SNAPC4: variants seen among roughly 807,000 people sequenced by gnomAD.
SNAPC4 encodes small nuclear RNA activating complex polypeptide 4, also known as snRNA-activating protein complex subunit 4.
Under a neutral mutation model 151.3 loss-of-function variants are expected in SNAPC4, and 127 were observed. The ratio of observed to expected loss-of-function variants is 0.84; its 90% CI spans 0.73 to 0.97. The LOEUF (loss-of-function observed/expected upper bound fraction) is 0.97. Among genes scored for constraint, SNAPC4 ranks in the 50% least tolerant of loss-of-function variants. SNAPC4 has a pLI of 0.00. For missense variants in SNAPC4, 2,186 were observed against 1,935.0 expected, an observed-to-expected ratio of 1.13 and a Z score of -2.43; for synonymous variants, 1,002 against 824.4, an observed-to-expected ratio of 1.22 and a Z score of -3.69.
rs558739917 is a variant in SNAPC4 at position 136,377,668 on chromosome 9, G to A, written c.4159C>T (p.Arg1387Cys). Residue 1387 changes from arginine (R) to cysteine (C), a missense_variant, in exon 22 of 24, where the codon CGC becomes TGC. Physicochemically the swap from Arg to Cys is radical, Grantham distance 180. Transcript: ENST00000684778. ...LLATLAPQGV[R>C]TTLSVPSRVG... is the part of the protein sequence containing the mutation. The stretch of plus-strand genomic sequence containing the variant: ...CTCGAAGGTACTGAGAGGGTGGTGC[G>A]GACGCCTTGGGGGGCCAGGGTGGCC... 87 of 1,606,392 alleles carry A rather than the reference G, an allele frequency of 5.4e-5. No homozygotes were observed. The highest frequency in any genetic ancestry group is 1.3e-4 in the East Asian group (6 of 44,710).
chr9:136,394,086 T>C (rs1043341777), intron 7 of SNAPC4, among the ~76,000 whole-genome samples, 163 bp downstream of exon 7: 1 of 152,200 alleles, frequency 6.6e-6, no homozygotes, highest in African/African-American at 2.4e-5. Context: ...CCCAGCTAAT[T>C]TTTTTACTTT....
chr9:136,376,397 G>A lies in SNAPC4; in HGVS notation c.4369C>T (p.Arg1457Trp), dbSNP rs778650500. Residue 1457 changes from arginine (R) to tryptophan (W), a missense_variant, in exon 23 of 24, where the codon CGG becomes TGG. Arg to Trp is a moderately radical substitution (Grantham distance 101). Coordinates refer to ENST00000684778, the MANE Select transcript of SNAPC4 (RefSeq NM_003086.4). The stretch of plus-strand genomic sequence containing the variant: ...CGCTTCCGGGTGTGCCTGGCATGCC[G>A]GGTTCTGAGCACGTCCAGGTCGTCA... ...DPDDLDVLRT[R>W]HARHTRKRRR... is the part of the protein sequence containing the mutation. 18 of 1,613,312 alleles carry A rather than the reference G, an allele frequency of 1.1e-5. No homozygotes were observed. The highest frequency in any genetic ancestry group is 5.3e-5 in the African/African-American group (4 of 74,938).
intron 1 of SNAPC4, among the ~76,000 whole-genome samples, chr9:136,399,386 A>C (rs1218092481): frequency 6.6e-6 from 1 of 152,140 alleles, no homozygotes; most frequent in South Asian, 2.1e-4. Context: ...CTGTAAACTC[A>C]GTTAACAGCC....
intron 10 of SNAPC4, among the ~76,000 whole-genome samples, chr9:136,389,835 G>A (rs918028514): frequency 6.6e-6 from 1 of 152,210 alleles, no homozygotes; most frequent in African/African-American, 2.4e-5. Context: ...TGGCTGGAGT[G>A]AAGCTGGAGG....
At chr9:136,385,027 G>A (rs947638836) in intron 13 of SNAPC4, among the ~76,000 whole-genome samples, 10 of 152,196 alleles carry the variant, frequency 6.6e-5, no homozygotes, top group South Asian at 2.1e-4. Flanking sequence ...GGGAGAGAAC[G>A]TTTGCAAGTC....
rs1401675022 is a variant in SNAPC4 at position 136,383,679 on chromosome 9, G to C, written c.1501-11C>G. On this transcript the variant is annotated splice_polypyrimidine_tract_variant and intron_variant, in intron 15 of 23. Coordinates refer to ENST00000684778, the MANE Select transcript of SNAPC4 (RefSeq NM_003086.4). The surrounding 1 kb of genome is among the most constrained non-coding windows in gnomAD (Gnocchi z 4.2). ...GAGACCCTGCTTCTTCTGAGGGGAGGAAAGAGCTACTTAGAGGCCTTGGCA... is the reference window on the plus strand; with the variant it reads ...GAGACCCTGCTTCTTCTGAGGGGAGCAAAGAGCTACTTAGAGGCCTTGGCA... 1 of 1,591,884 alleles carries C rather than the reference G, an allele frequency of 6.3e-7. No homozygotes were observed. Among genetic ancestry groups the C allele is most frequent in the Non-Finnish European group, 8.6e-7 (1 of 1,168,450 alleles).
chr9:136,396,936 G>C, intron 3 of SNAPC4, 41 bp downstream of exon 3: 1 of 1,589,304 alleles, frequency 6.3e-7, no homozygotes, highest in Non-Finnish European at 8.6e-7. Context: ...GGTGGTGGCA[G>C]GCCTGACCCA....
At position 136,383,275 on chromosome 9, in the gene SNAPC4, CA is replaced by C. The variant is rs1833766999; in HGVS notation, c.1893del (p.Ala632ProfsTer36). The C allele has an allele frequency of 1.2e-6, 2 of 1,611,608 alleles. No individual in the cohort carries two copies. The highest frequency in any genetic ancestry group is 1.7e-6 in the Non-Finnish European group (2 of 1,179,408). ...CTCGGGACAGGGCCGTGGGCCCTGG[CA>C]GGGACCTGCACCGGACTCGTCTCCT... ...PGEETSPVQV[P>X]ARAHGPVPRS... On this transcript the variant is annotated frameshift_variant, in exon 16 of 24. Coordinates refer to ENST00000684778, the MANE Select transcript of SNAPC4 (RefSeq NM_003086.4). LOFTEE classifies it high-confidence loss of function. This position sits in a 1 kb window ranked among gnomAD's most constrained non-coding sequence, Gnocchi z 4.2.
In SNAPC4 at chr9:136,395,353, C is replaced by G. The variant is rs768400953; in HGVS notation, c.416G>C (p.Ser139Thr). Residue 139 changes from serine to threonine, a missense_variant, in exon 5 of 24, where the codon AGC (serine) becomes ACC (threonine). Coordinates refer to ENST00000684778, the MANE Select transcript of SNAPC4 (RefSeq NM_003086.4). ...KVKDGKSLPP[S>T]TYMGHFMKPY... ...CTTCATGAAGTGCCCCATGTATGTG[C>G]TTGGGGGCAGGCTTTTGCCATCTTT... 2.5e-6 allele frequency: 4 copies of G among 1,613,634 alleles called. No homozygotes were observed. Among genetic ancestry groups the G allele is most frequent in the South Asian group, 2.2e-5 (2 of 91,084 alleles).
At position 136,393,372 on chromosome 9, in the gene SNAPC4, T is replaced by C. The variant is rs569209983; in HGVS notation, c.633-595A>G. Among the ~76,000 whole-genome samples the C allele has an allele frequency of 2.0e-5, 3 of 152,364 alleles. No homozygotes were observed. In the South Asian group the frequency reaches 6.2e-4, roughly 32 times the overall value. On this transcript the variant is annotated intron_variant, in intron 7 of 23. Transcript: ENST00000684778. ...CCCCCTCTGCCTTGAGAGCTCATGG[T>C]GGCCCCACAGAAGACAGATGGGGAC...
intron 19 of SNAPC4, 123 bp downstream of exon 19, chr9:136,381,198 AT>A: frequency 1.3e-6 from 1 of 797,782 alleles, no homozygotes; most frequent in Non-Finnish European, 2.2e-6. Flanking sequence ...TGAAAAGTGC[AT>A]TTTCAAGGCT....
chr9:136,388,313 G>T, intron 11 of SNAPC4, 131 bp downstream of exon 11: 1 of 823,072 alleles, frequency 1.2e-6, no homozygotes, highest in Non-Finnish European at 1.8e-6. Flanking sequence ...GAAGCGAACT[G>T]TGGAACAGCC....
chr9:136,376,029 G>C (rs1833431835), intron 23 of SNAPC4, among the ~76,000 whole-genome samples: 1 of 152,222 alleles, frequency 6.6e-6, no homozygotes, highest in Admixed American at 6.5e-5. Context: ...TACAAGCTGG[G>C]AGACGACGCA....
Position 136,395,436 on chromosome 9 carries a change from C to T in SNAPC4, c.346-13G>A, listed in dbSNP as rs181596189. The T allele has an allele frequency of 0.019, 30,261 of 1,611,040 alleles. 373 individuals are homozygous for T. The highest frequency in any genetic ancestry group is 0.02 in the Non-Finnish European group (23,899 of 1,178,616). On this transcript the variant is annotated splice_polypyrimidine_tract_variant and intron_variant, in intron 4 of 23. Transcript: ENST00000684778. Reference sequence around the variant, plus strand: ...TCATGAGTTCCTCCTGTGACAGACACAAGGCAGGGACCCCTCTATGGACCA... The same window carrying T: ...TCATGAGTTCCTCCTGTGACAGACATAAGGCAGGGACCCCTCTATGGACCA...
intron 2 of SNAPC4, among the ~76,000 whole-genome samples, chr9:136,397,757 G>A (rs1190342722): frequency 1.3e-5 from 2 of 150,450 alleles, no homozygotes; most frequent in Admixed American, 6.6e-5. Flanking sequence ...ACGTGGGGAG[G>A]GGCACATGTG....
Position 136,395,577 on chromosome 9 carries a change from C to A in SNAPC4, c.345+26G>T, listed in dbSNP as rs567262252. 160 of 1,595,374 alleles carry A rather than the reference C, an allele frequency of 1.0e-4. No homozygotes were observed. The East Asian group carries it at 3.5e-3, about 35-fold the overall frequency. ...GGCTCTGGGGGTGGGGAGGTGTGGG[C>A]ACCGGGGGGCCGAGGCCCATCCCAC... On this transcript the variant is annotated intron_variant, in intron 4 of 23. Coordinates refer to ENST00000684778, the MANE Select transcript of SNAPC4 (RefSeq NM_003086.4).
chr9:136,377,432 G>C (rs1418406079), intron 22 of SNAPC4, 111 bp downstream of exon 22: 1 of 1,338,718 alleles, frequency 7.5e-7, no homozygotes, highest in East Asian at 2.6e-5. Flanking sequence ...CCAGCAGCCA[G>C]CCTTCCTGCC....
At position 136,392,721 on chromosome 9, in the gene SNAPC4, G is replaced by A. The variant is rs777555496; in HGVS notation, c.689C>T (p.Ala230Val). 5 of 1,613,718 alleles carry A rather than the reference G, an allele frequency of 3.1e-6. No individual in the cohort carries two copies. Among genetic ancestry groups the A allele is most frequent in the South Asian group, 1.1e-5 (1 of 91,084 alleles). The change falls in exon 8 of 24, where the codon GCC becomes GTC. Residue 230 changes from alanine to valine, a missense_variant. Physicochemically the swap from Ala to Val is moderately conservative, Grantham distance 64. Transcript: ENST00000684778. ...SKVSSELERQ[A>V]LEKQGREAEK... ...GGCTTCCCTGCCCTGCTTCTCCAGG[G>A]CTTGCCTCTCCAGCTCACTGGAGAC...
At chr9:136,399,217 G>A (rs1452645377) in intron 1 of SNAPC4, among the ~76,000 whole-genome samples, 1 of 152,178 alleles carries the variant, frequency 6.6e-6, no homozygotes, top group Non-Finnish European at 1.5e-5. Flanking sequence ...GCCCTCCCCC[G>A]TCCTTGGCGT....
Sources: gnomAD v4.1 joint callset for allele counts (sites outside exome capture counted in the v4.1 genomes callset) on GRCh38, gnomAD v4.1.1 for gene constraint, Gnocchi (gnomAD v3.1) non-coding constraint, MANE v1.5 for transcripts, NCBI Gene and HGNC (gene_info 2026-07-23, HGNC 2026-07-21) for gene names.